WSCD1: variants seen among roughly 807,000 people sequenced by gnomAD.
The protein encoded by WSCD1 is sialate:O-sulfotransferase 1.
A neutral mutation model predicts 60.4 loss-of-function variants in WSCD1; 41 were observed. The ratio of observed to expected loss-of-function variants is 0.68; its 90% CI spans 0.53 to 0.88. The LOEUF (loss-of-function observed/expected upper bound fraction) is 0.88, where lower values mean the gene tolerates loss of function less well. Among genes scored for constraint, WSCD1 ranks in the 40% least tolerant of loss-of-function variants. WSCD1 has a pLI of 0.00. For synonymous variants in WSCD1, 361 were observed against 332.5 expected (o/e 1.09, Z -0.93); for missense variants, 784 against 796.2 (o/e 0.98, Z 0.18).
Position 6,118,054 on chromosome 17 carries a change from G to A in WSCD1, c.1241G>A (p.Gly414Asp). The A allele has an allele frequency of 1.2e-6, 2 of 1,614,200 alleles. No homozygotes were observed. Among genetic ancestry groups the A allele is most frequent in the Non-Finnish European group, 1.7e-6 (2 of 1,180,040 alleles). Reference sequence around the variant, plus strand: ...ATCTGTGTCAAAACCCACGAGAGTGGCAGGAGGGAGATTGAGATGTTTGAT... The same window carrying A: ...ATCTGTGTCAAAACCCACGAGAGTGACAGGAGGGAGATTGAGATGTTTGAT... ...RTICVKTHESGRREIEMFDSA... is the reference protein window; with the variant it reads ...RTICVKTHESDRREIEMFDSA... The change falls in exon 8 of 9, where the codon GGC becomes GAC. Residue 414 changes from glycine to aspartate, a missense_variant. Physicochemically the swap from Gly to Asp is moderately conservative, Grantham distance 94. Transcript: ENST00000317744. This position sits in a 1 kb window ranked among gnomAD's most constrained non-coding sequence, Gnocchi z 5.8.
intron 1 of WSCD1, among the ~76,000 whole-genome samples, chr17:6,077,716 G>A (rs968879321): frequency 1.3e-5 from 2 of 152,142 alleles, no homozygotes; most frequent in East Asian, 3.8e-4. Context: ...AAGTCTATAC[G>A]GAATTCACCA....
chr17:6,089,502 A>T (rs770979865), intron 3 of WSCD1, among the ~76,000 whole-genome samples: 6 of 152,220 alleles, frequency 3.9e-5, no homozygotes, highest in Non-Finnish European at 8.8e-5. Context: ...AAGTAGAGAA[A>T]TGGCTGTGGA....
intron 2 of WSCD1, among the ~76,000 whole-genome samples, chr17:6,086,075 C>T (rs540942333): frequency 4.6e-5 from 7 of 151,820 alleles, no homozygotes; most frequent in South Asian, 4.2e-4. Flanking sequence ...AGAAGGTGGC[C>T]GTTGTTCCCT....
chr17:6,084,055 T>C (rs1301810523), intron 2 of WSCD1, among the ~76,000 whole-genome samples: 1 of 152,134 alleles, frequency 6.6e-6, no homozygotes, highest in Non-Finnish European at 1.5e-5. Context: ...GGCTGGTAAA[T>C]GGTTGCTGCC....
At chr17:6,100,727 A>C (rs1260956715) in intron 5 of WSCD1, among the ~76,000 whole-genome samples, 1 of 152,226 alleles carries the variant, frequency 6.6e-6, no homozygotes, top group Non-Finnish European at 1.5e-5. Flanking sequence ...AGATGCCAAC[A>C]GCCCATATTC....
intron 2 of WSCD1, chr17:6,085,114 A>G (rs1909546160): frequency 6.6e-6 from 1 of 152,290 alleles, no homozygotes; most frequent in South Asian, 2.1e-4. Flanking sequence ...ATATTTACTG[A>G]TCCATCCATC....
At chr17:6,087,519 A>C (rs1909734438) in intron 2 of WSCD1, among the ~76,000 whole-genome samples, 1 of 152,186 alleles carries the variant, frequency 6.6e-6, no homozygotes, top group South Asian at 2.1e-4. Flanking sequence ...TCTTCCTTAA[A>C]TTTGCTAAAA....
At chr17:6,082,172 T>C (rs1445207802) in intron 2 of WSCD1, among the ~76,000 whole-genome samples, 1 of 152,212 alleles carries the variant, frequency 6.6e-6, no homozygotes, top group Non-Finnish European at 1.5e-5. Context: ...CATGGAGAAG[T>C]TGAGTCAATT....
At chr17:6,115,807 G>C (rs1312994911) in intron 7 of WSCD1, among the ~76,000 whole-genome samples, 1 of 152,006 alleles carries the variant, frequency 6.6e-6, no homozygotes, top group Non-Finnish European at 1.5e-5. Flanking sequence ...TGTTGGCCAG[G>C]CTAGTCTCAA....
chr17:6,108,535 G>A (rs931987638), intron 5 of WSCD1, among the ~76,000 whole-genome samples: 3 of 152,200 alleles, frequency 2.0e-5, no homozygotes, highest in Non-Finnish European at 2.9e-5. Context: ...TTTTGAGCAA[G>A]ACACAGCTGA....
intron 4 of WSCD1, among the ~76,000 whole-genome samples, chr17:6,093,254 G>T (rs1479233556): frequency 5.3e-5 from 8 of 152,242 alleles, no homozygotes; most frequent in Non-Finnish European, 8.8e-5. Flanking sequence ...GCGGCTCATG[G>T]ACCACTCACC....
Position 6,120,909 on chromosome 17 carries a change from T to C in WSCD1, c.*248T>C. 2 of 541,092 alleles carry C rather than the reference T, an allele frequency of 3.7e-6. No individual in the cohort carries two copies. Among genetic ancestry groups the C allele is most frequent in the Non-Finnish European group, 6.6e-6 (2 of 304,320 alleles). 33.5% of individuals were successfully genotyped at this position (541,092 alleles called of 1,614,324 possible). A position where few individuals can be genotyped will look rare whatever the true frequency, so the allele number is the denominator to read the frequency against. ...CAGACACTCAGACACCACTCCAGGC[T>C]CATAGCCCCGTCTTGATGCAGAGAA... On this transcript the variant is annotated 3_prime_UTR_variant, in exon 9 of 9. Coordinates refer to ENST00000317744, the MANE Select transcript of WSCD1 (RefSeq NM_015253.2).
chr17:6,080,808 C>A lies in WSCD1; in HGVS notation c.150C>A (p.Gly50=). The change falls in exon 2 of 9, where the codon GGC becomes GGA. Residue 50 remains glycine (G), a synonymous_variant. Transcript: ENST00000317744. The surrounding 1 kb of genome is among the most constrained non-coding windows in gnomAD (Gnocchi z 6.6). ...VALPQGPRAP[G]PLQTLPVAAV... is the part of the protein sequence containing the mutation. ...TCCCACAGGGCCCCCGGGCACCCGG[C>A]CCCCTGCAGACCTTGCCAGTGGCCG... 6.2e-7 allele frequency: 1 copy of A among 1,609,202 alleles called. No individual in the cohort carries two copies. Among genetic ancestry groups the A allele is most frequent in the Non-Finnish European group, 8.5e-7 (1 of 1,178,500 alleles).
chr17:6,079,264 G>A (rs1019562415), intron 1 of WSCD1, among the ~76,000 whole-genome samples: 3 of 121,248 alleles, frequency 2.5e-5, no homozygotes, highest in Non-Finnish European at 4.0e-5. Flanking sequence ...CAGGCCTGGC[G>A]GGGGGCCCGG....
At chr17:6,106,784 G>A (rs558961822) in intron 5 of WSCD1, among the ~76,000 whole-genome samples, 1 of 152,290 alleles carries the variant, frequency 6.6e-6, no homozygotes, top group East Asian at 1.9e-4. Flanking sequence ...ACTTGAAAAG[G>A]GGGTGGCCAG....
At chr17:6,117,693 G>A (rs1034599929) in intron 7 of WSCD1, among the ~76,000 whole-genome samples, 4 of 152,190 alleles carry the variant, frequency 2.6e-5, no homozygotes, top group East Asian at 3.8e-4. Context: ...CTGCAATGAC[G>A]GGTCTTCTGC....
At chr17:6,078,795 C>G (rs1196499470) in intron 1 of WSCD1, among the ~76,000 whole-genome samples, 1 of 151,994 alleles carries the variant, frequency 6.6e-6, no homozygotes, top group African/African-American at 2.4e-5. Context: ...GGAGGATCAC[C>G]CTGGCAGCCT....
intron 7 of WSCD1, among the ~76,000 whole-genome samples, chr17:6,116,283 G>T (rs1485684940): frequency 2.6e-5 from 4 of 152,198 alleles, no homozygotes; most frequent in Non-Finnish European, 5.9e-5. Flanking sequence ...GATATTGCCA[G>T]CTATAGAGGT....
chr17:6,090,995 A>G (rs950803198), intron 4 of WSCD1, among the ~76,000 whole-genome samples: 1 of 152,028 alleles, frequency 6.6e-6, no homozygotes, highest in Non-Finnish European at 1.5e-5. Flanking sequence ...GGTTCAAACA[A>G]TTCTCCTGCC....
Sources: gnomAD v4.1 joint callset for allele counts (sites outside exome capture counted in the v4.1 genomes callset) on GRCh38, gnomAD v4.1.1 for gene constraint, Gnocchi (gnomAD v3.1) non-coding constraint, MANE v1.5 for transcripts, NCBI Gene and HGNC (gene_info 2026-07-23, HGNC 2026-07-21) for gene names.